The following TRPM3 variants were observed in gnomAD, a reference collection of about 807,000 sequenced individuals.
TRPM3 encodes the protein transient receptor potential cation channel subfamily M member 3, also known as long transient receptor potential channel 3.
TRPM3 carries 77 observed loss-of-function variants against 181.2 expected under a neutral mutation model. The ratio of observed to expected loss-of-function variants is 0.42; its 90% CI spans 0.35 to 0.51. The LOEUF (loss-of-function observed/expected upper bound fraction) is 0.51, where lower values mean the gene tolerates loss of function less well. Among genes scored for constraint, TRPM3 ranks in the 20% least tolerant of loss-of-function variants. The probability of loss-of-function intolerance (pLI) is 0.01; values close to 1 mark genes in which losing one functional copy is unlikely to be tolerated. For missense variants in TRPM3, 1,759 were observed against 2,196.7 expected, an observed-to-expected ratio of 0.80 and a Z score of 3.98; for synonymous variants, 745 against 796.4, an observed-to-expected ratio of 0.94 and a Z score of 1.09.
intron 6 of TRPM3, among the ~76,000 whole-genome samples, chr9:70,796,808 A>ACCT (rs201791748): frequency 0.022 from 3,401 of 152,258 alleles, 53 homozygotes; most frequent in Non-Finnish European, 0.034. Flanking sequence ...TACATGTCGT[A>ACCT]GTTGCTCTCT....
At chr9:70,835,268 G>A (rs529883256) in intron 5 of TRPM3, among the ~76,000 whole-genome samples, 3 of 151,642 alleles carry the variant, frequency 2.0e-5, no homozygotes, top group Admixed American at 6.6e-5. Flanking sequence ...TTCCTTTATA[G>A]CAATGCAAGA....
chr9:71,248,704 G>A (rs547320702), intron 1 of TRPM3, among the ~76,000 whole-genome samples: 2 of 152,234 alleles, frequency 1.3e-5, no homozygotes, highest in Admixed American at 6.5e-5. Context: ...TTCCCAGTCA[G>A]CCAAGACACT....
intron 1 of TRPM3, among the ~76,000 whole-genome samples, chr9:71,246,857 T>C (rs10781001): frequency 0.99 from 150,248 of 152,314 alleles, 74,129 homozygotes; most frequent in Non-Finnish European, 1. Flanking sequence ...GTTTTGTGTG[T>C]ACATGTAATT....
At chr9:71,221,301 C>T (rs893933729) in intron 1 of TRPM3, among the ~76,000 whole-genome samples, 1 of 152,118 alleles carries the variant, frequency 6.6e-6, no homozygotes, top group Admixed American at 6.5e-5. Flanking sequence ...GTTTGCCGAC[C>T]CTCATCCTAC....
At position 70,595,109 on chromosome 9, in the gene TRPM3, C is replaced by T. The variant is rs114687922; in HGVS notation, c.3048+3310G>A. Among the ~76,000 whole-genome samples, 509 of 152,244 alleles carry T rather than the reference C, an allele frequency of 3.3e-3. 4 individuals carry two copies. The highest frequency in any genetic ancestry group is 0.012 in the African/African-American group (482 of 41,532). On this transcript the variant is annotated intron_variant, in intron 21 of 25. Transcript: ENST00000677713. The stretch of plus-strand genomic sequence containing the variant: ...CTCCTGAGTAAGGTTTCATTCTAGT[C>T]AAAACTGGGATAATTATGCCATTAT...
Position 70,640,601 on chromosome 9 carries a change from TGTCGA to T in TRPM3, c.1400_1404del (p.Val467AspfsTer88). 6.2e-7 allele frequency: 1 copy of T among 1,613,804 alleles called. No homozygotes were observed. Among genetic ancestry groups the T allele is most frequent in the Non-Finnish European group, 8.5e-7 (1 of 1,179,832 alleles). The stretch of plus-strand genomic sequence containing the variant: ...TAAATAAAGATCTGGCTGCGAGCGA[TGTCGA>T]CTCTGTTCCAGGCTAAAGCTAAGCT... On this transcript the variant is annotated frameshift_variant, in exon 10 of 26. Transcript: ENST00000677713. LOFTEE classifies it high-confidence loss of function.
At chr9:70,776,809 G>T (rs989782490) in intron 7 of TRPM3, among the ~76,000 whole-genome samples, 3 of 152,168 alleles carry the variant, frequency 2.0e-5, no homozygotes, top group African/African-American at 7.2e-5. Context: ...GAATGCAGGT[G>T]AGGCCCAGAA....
chr9:71,313,484 T>A (rs2088209255), intron 1 of TRPM3, among the ~76,000 whole-genome samples: 1 of 152,150 alleles, frequency 6.6e-6, no homozygotes, highest in African/African-American at 2.4e-5. Context: ...CATTCCAAGA[T>A]TATCTAACTT....
chr9:71,037,816 C>T lies in TRPM3; in HGVS notation c.177+83362G>A, dbSNP rs372396182. On this transcript the variant is annotated intron_variant, in intron 1 of 25. Coordinates refer to ENST00000677713, the MANE Select transcript of TRPM3 (RefSeq NM_001366145.2). ...ATCTGCCATTCTTCCTGCCTGTCCA[C>T]TCACAGTTCTATCAAGTATGGATGC... 5.1e-4 allele frequency among the ~76,000 whole-genome samples: 78 copies of T among 152,342 alleles called. 1 individual carries two copies. The Middle Eastern group carries it at 0.014, about 27-fold the overall frequency.
intron 1 of TRPM3, among the ~76,000 whole-genome samples, chr9:71,408,248 C>A (rs534367907): frequency 6.6e-6 from 1 of 152,250 alleles, no homozygotes; most frequent in Non-Finnish European, 1.5e-5. Flanking sequence ...GGATGGAGAA[C>A]GACTTTGACA....
At chr9:70,835,602 G>C (rs771942799) in intron 5 of TRPM3, among the ~76,000 whole-genome samples, 1 of 151,856 alleles carries the variant, frequency 6.6e-6, no homozygotes, top group Non-Finnish European at 1.5e-5. Flanking sequence ...TTCTCCATGT[G>C]GCAGGTGATC....
chr9:71,366,040 G>T (rs2132758262), intron 1 of TRPM3, among the ~76,000 whole-genome samples: 1 of 152,260 alleles, frequency 6.6e-6, no homozygotes, highest in Middle Eastern at 3.4e-3. Flanking sequence ...TGAATAAAAT[G>T]AGGTGAAGGC....
chr9:71,320,332 A>AG (rs1491391699), intron 1 of TRPM3, among the ~76,000 whole-genome samples: 1 of 151,722 alleles, frequency 6.6e-6, no homozygotes, highest in Non-Finnish European at 1.5e-5. Context: ...AAAAAAAAAA[A>AG]CAAATGCTTA....
upstream of TRPM3, among the ~76,000 whole-genome samples, chr9:71,123,156 T>C (rs1490139391): frequency 6.6e-6 from 1 of 152,212 alleles, no homozygotes; most frequent in Admixed American, 6.5e-5. Flanking sequence ...TTCTCTTGTC[T>C]CCTATTTCTT....
chr9:70,872,277 C>A (rs1386658745), intron 1 of TRPM3, among the ~76,000 whole-genome samples: 1 of 151,832 alleles, frequency 6.6e-6, no homozygotes, highest in Non-Finnish European at 1.5e-5. Flanking sequence ...CCCTGGTCAA[C>A]CCTTGGTATA....
At chr9:70,571,127 A>G (rs2052212567) in intron 22 of TRPM3, among the ~76,000 whole-genome samples, 1 of 152,112 alleles carries the variant, frequency 6.6e-6, no homozygotes, top group African/African-American at 2.4e-5. Context: ...ACCTGCAGCA[A>G]AAGCTTATCT....
intron 1 of TRPM3, among the ~76,000 whole-genome samples, chr9:71,174,107 T>C (rs376504730): frequency 7.2e-5 from 11 of 152,028 alleles, no homozygotes; most frequent in African/African-American, 2.7e-4. Flanking sequence ...CCTTCAAAAA[T>C]TAAAATAAAG....
intron 1 of TRPM3, among the ~76,000 whole-genome samples, chr9:71,021,430 A>T (rs1443334266): frequency 6.6e-6 from 1 of 152,208 alleles, no homozygotes; most frequent in Non-Finnish European, 1.5e-5. Context: ...CTGAAATGTG[A>T]CATAATTTTG....
intron 1 of TRPM3, among the ~76,000 whole-genome samples, chr9:71,029,137 C>A (rs2056966534): frequency 6.6e-6 from 1 of 152,016 alleles, no homozygotes; most frequent in East Asian, 1.9e-4. Flanking sequence ...AGGCAGTAAC[C>A]AAGAAGTCCT....
Sources: allele counts gnomAD v4.1 joint callset (sites outside exome capture counted in the v4.1 genomes callset), GRCh38; gene constraint gnomAD v4.1.1; transcripts MANE v1.5; gene names NCBI Gene and HGNC (gene_info 2026-07-23, HGNC 2026-07-21).